The following XKR9 variants were observed in gnomAD, a reference collection of about 807,000 sequenced individuals.
XKR9 encodes the protein XK related 9.
In XKR9, 32 loss-of-function variants were observed where a neutral mutation model predicts 32.0. The observed-to-expected ratio is 1.00, with a 90% CI of 0.76 to 1.34. The LOEUF is 1.34. Ranked by LOEUF, XKR9 falls within the 40% of genes most tolerant of loss-of-function variation. The probability of loss-of-function intolerance (pLI) is 0.00; values close to 1 mark genes in which losing one functional copy is unlikely to be tolerated. For synonymous variants in XKR9, 168 were observed against 143.4 expected (o/e 1.17, Z -1.22); for missense variants, 546 against 429.7 (o/e 1.27, Z -2.39).
At chr8:71,025,678 T>C in the XKR9 span, among the ~76,000 whole-genome samples, 5 of 152,350 alleles carry the variant, frequency 3.3e-5, no homozygotes, top group South Asian at 1.0e-3. Flanking sequence ...TCTGACAATC[T>C]GTCCACATTC....
At chr8:70,721,568 T>C (rs779979402) in intron 4 of XKR9, among the ~76,000 whole-genome samples, 33 of 152,230 alleles carry the variant, frequency 2.2e-4, no homozygotes, top group Admixed American at 1.5e-3. Flanking sequence ...TACCCAGTAG[T>C]CATTCAGCAG....
At chr8:70,723,243 A>G (rs1282417831) in intron 4 of XKR9, among the ~76,000 whole-genome samples, 2 of 152,116 alleles carry the variant, frequency 1.3e-5, no homozygotes, top group African/African-American at 4.8e-5. Context: ...GCATTAAAAC[A>G]TGCTCCTTTA....
the XKR9 span, among the ~76,000 whole-genome samples, chr8:70,892,453 T>C: frequency 6.6e-6 from 1 of 152,144 alleles, no homozygotes; most frequent in Non-Finnish European, 1.5e-5. Flanking sequence ...TTTGCATGTT[T>C]TTATGATAGT....
the XKR9 span, among the ~76,000 whole-genome samples, chr8:70,847,184 G>A: frequency 1.3e-5 from 2 of 151,944 alleles, no homozygotes; most frequent in Non-Finnish European, 2.9e-5. Flanking sequence ...TCAATAAAAA[G>A]AGGAACCTTG....
the XKR9 span, among the ~76,000 whole-genome samples, chr8:71,064,836 C>G: frequency 6.6e-6 from 1 of 152,146 alleles, no homozygotes; most frequent in East Asian, 1.9e-4. Context: ...TAGAAGGTCT[C>G]TCTAAGGACT....
At chr8:70,802,062 G>A in the XKR9 span, among the ~76,000 whole-genome samples, 2 of 150,134 alleles carry the variant, frequency 1.3e-5, no homozygotes, top group Non-Finnish European at 3.0e-5. Flanking sequence ...TCAGCCTCCC[G>A]AGTAGCTGGG....
At chr8:70,946,979 G>A in the XKR9 span, among the ~76,000 whole-genome samples, 5 of 152,176 alleles carry the variant, frequency 3.3e-5, no homozygotes, top group Admixed American at 6.5e-5. Flanking sequence ...GCTCTGTGAA[G>A]TCTAATTTCT....
chr8:70,923,595 C>G, the XKR9 span, among the ~76,000 whole-genome samples: 2 of 152,194 alleles, frequency 1.3e-5, no homozygotes, highest in Non-Finnish European at 2.9e-5. Flanking sequence ...GTAAAATGTG[C>G]AAAAGTAAGA....
At chr8:70,991,923 TC>T in the XKR9 span, among the ~76,000 whole-genome samples, 1 of 110 alleles carries the variant, frequency 9.1e-3, no homozygotes, top group Non-Finnish European at 0.023. Context: ...CCTGTTGACT[TC>T]TCCCTACATC....
chr8:70,885,599 AT>A, the XKR9 span, among the ~76,000 whole-genome samples: 24 of 146,394 alleles, frequency 1.6e-4, no homozygotes, highest in Admixed American at 3.4e-4. Flanking sequence ...CTGGTGTGTG[AT>A]TTTTTTTTTT....
chr8:70,878,966 C>A, the XKR9 span, among the ~76,000 whole-genome samples: 13 of 152,158 alleles, frequency 8.5e-5, no homozygotes, highest in African/African-American at 3.1e-4. Flanking sequence ...TCTCAGACCA[C>A]AGTACAATCA....
chr8:70,932,831 C>T, the XKR9 span, among the ~76,000 whole-genome samples: 3 of 152,214 alleles, frequency 2.0e-5, no homozygotes, highest in African/African-American at 4.8e-5. Flanking sequence ...CCATTAAGGC[C>T]CTATCTCCCA....
At chr8:70,798,603 G>A in the XKR9 span, among the ~76,000 whole-genome samples, 1 of 152,156 alleles carries the variant, frequency 6.6e-6, no homozygotes, top group African/African-American at 2.4e-5. Flanking sequence ...CGCTTTTGAG[G>A]TTTTTGTCAT....
intron 2 of XKR9, among the ~76,000 whole-genome samples, chr8:70,779,029 T>G (rs1256080041): frequency 6.6e-6 from 1 of 152,168 alleles, no homozygotes; most frequent in East Asian, 1.9e-4. Flanking sequence ...CTTGCACTGG[T>G]TTTCAAAGGG....
the XKR9 span, among the ~76,000 whole-genome samples, chr8:70,829,306 A>AACTGGC: frequency 0.53 from 80,558 of 151,452 alleles, 22,359 homozygotes; most frequent in Middle Eastern, 0.62. Flanking sequence ...TGAACATTTA[A>AACTGGC]TATGACTATT....
chr8:70,717,575 G>T (rs6472539), intron 4 of XKR9, among the ~76,000 whole-genome samples: 19 of 152,024 alleles, frequency 1.2e-4, no homozygotes, highest in Admixed American at 5.9e-4. Flanking sequence ...TGGGATGCAG[G>T]GAACCATGTC....
the XKR9 span, among the ~76,000 whole-genome samples, chr8:70,942,457 G>T: frequency 6.6e-6 from 1 of 152,092 alleles, no homozygotes; most frequent in Non-Finnish European, 1.5e-5. Flanking sequence ...ACAGCCCACA[G>T]GCAAAGGAGG....
the XKR9 span, among the ~76,000 whole-genome samples, chr8:70,883,785 T>G: frequency 6.6e-6 from 1 of 152,164 alleles, no homozygotes; most frequent in Non-Finnish European, 1.5e-5. Flanking sequence ...ATTCACCTGT[T>G]GAAGGACATC....
At chr8:71,014,250 C>G in the XKR9 span, among the ~76,000 whole-genome samples, 1 of 152,186 alleles carries the variant, frequency 6.6e-6, no homozygotes, top group Non-Finnish European at 1.5e-5. Context: ...ATTTAAAACT[C>G]AAACACACTC....
Sources: allele counts gnomAD v4.1 joint callset (sites outside exome capture counted in the v4.1 genomes callset), GRCh38; gene constraint gnomAD v4.1.1; transcripts MANE v1.5; gene names NCBI Gene and HGNC (gene_info 2026-07-23, HGNC 2026-07-21).